DUS2: variants seen among roughly 807,000 people sequenced by gnomAD.
DUS2 encodes tRNA-dihydrouridine(20) synthase [NAD(P)+]-like.
In DUS2, 52 loss-of-function variants were observed where a neutral mutation model predicts 71.3. The ratio of observed to expected loss-of-function variants is 0.73; its 90% CI spans 0.58 to 0.92. The LOEUF is 0.92. DUS2 is among the 40% of genes least tolerant of loss of function. The probability of loss-of-function intolerance (pLI) is 0.00; values close to 1 mark genes in which losing one functional copy is unlikely to be tolerated. For missense variants in DUS2, 558 were observed against 622.6 expected (o/e 0.90, Z 1.10); for synonymous variants, 204 against 227.8 (o/e 0.90, Z 0.94).
chr16:68,035,935 CAT>C (rs1316083528), intron 2 of DUS2, among the ~76,000 whole-genome samples: 7 of 132,764 alleles, frequency 5.3e-5, no homozygotes, highest in Admixed American at 2.3e-4. Context: ...TATATACACA[CAT>C]ACATACACAT....
At chr16:68,053,255 C>T (rs1244015718) in intron 4 of DUS2, among the ~76,000 whole-genome samples, 1 of 152,214 alleles carries the variant, frequency 6.6e-6, no homozygotes, top group Non-Finnish European at 1.5e-5. Context: ...GCCACCATAC[C>T]CGGCCCGGTT....
At chr16:68,056,721 A>C (rs1404479704) in intron 7 of DUS2, among the ~76,000 whole-genome samples, 2 of 151,186 alleles carry the variant, frequency 1.3e-5, no homozygotes, top group Non-Finnish European at 2.9e-5. Flanking sequence ...TGATATATGT[A>C]ATTTACCCTC....
chr16:68,071,638 C>CT (rs377115620), intron 12 of DUS2, among the ~76,000 whole-genome samples: 25,737 of 135,390 alleles, frequency 0.19, 2,521 homozygotes, highest in Middle Eastern at 0.26. Flanking sequence ...TAGGGAATAG[C>CT]TTTTTTTTTT....
intron 5 of DUS2, 79 bp from the exon 6 acceptor site, chr16:68,054,495 G>T (rs1401233019): frequency 2.0e-6 from 3 of 1,483,552 alleles, no homozygotes; most frequent in Non-Finnish European, 2.8e-6. Flanking sequence ...GTGTGTATGT[G>T]TGTGCTGCAT....
chr16:68,057,235 C>CAT lies in DUS2; in HGVS notation c.369+823_369+824dup, dbSNP rs66818755. Among the ~76,000 whole-genome samples the CAT allele has an allele frequency of 1.6e-3, 225 of 142,208 alleles. 2 individuals carry two copies. Among genetic ancestry groups the CAT allele is most frequent in the Non-Finnish European group, 2.5e-3 (167 of 65,910 alleles). The allele number at this position is 142,208 out of a possible 152,430, so 93.3% of individuals were successfully genotyped here. A position where few individuals can be genotyped will look rare whatever the true frequency, so the allele number is the denominator to read the frequency against. Reference sequence around the variant, plus strand: ...ATATAATTGTGTATGTGTATAGATACATATATATATATAGAGAGAGAGAGA... The same window carrying CAT: ...ATATAATTGTGTATGTGTATAGATACATATATATATATATAGAGAGAGAGAGA... On this transcript the variant is annotated intron_variant, in intron 7 of 16. Transcript: ENST00000565263.
chr16:68,074,260 A>G (rs2034127985), intron 13 of DUS2, 105 bp downstream of exon 13: 4 of 1,417,892 alleles, frequency 2.8e-6, no homozygotes, highest in Non-Finnish European at 3.9e-6. Context: ...CAGCTTCTGG[A>G]TGTAGATGTA....
chr16:68,071,270 G>A (rs994374885), intron 12 of DUS2, among the ~76,000 whole-genome samples, 162 bp downstream of exon 12: 4 of 152,136 alleles, frequency 2.6e-5, no homozygotes, highest in Non-Finnish European at 5.9e-5. Flanking sequence ...GCTTTATTCG[G>A]TCTCCCCAGC....
Position 68,079,004 on chromosome 16 carries a change from G to GT in DUS2, c.*19dup. ...GCTGGTGACTACTCTTCCTGCCTTA[G>GT]TCACCCCTCCATGGGCCTGGTGCTA... is the stretch of plus-strand genomic sequence containing the variant. On this transcript the variant is annotated 3_prime_UTR_variant, in exon 17 of 17. Coordinates refer to ENST00000565263, the MANE Select transcript of DUS2 (RefSeq NM_017803.5). 6.5e-7 allele frequency: 1 copy of GT among 1,534,290 alleles called. No homozygotes were observed. The highest frequency in any genetic ancestry group is 8.8e-7 in the Non-Finnish European group (1 of 1,137,356).
At chr16:68,027,086 A>G (rs950449457) in intron 2 of DUS2, 6 of 152,200 alleles carry the variant, frequency 3.9e-5, no homozygotes, top group African/African-American at 1.2e-4. Flanking sequence ...TTACTGGGTA[A>G]GCCAGAGATT....
chr16:68,034,381 T>C (rs1241952130), intron 2 of DUS2, among the ~76,000 whole-genome samples: 2 of 152,098 alleles, frequency 1.3e-5, no homozygotes, highest in East Asian at 3.9e-4. Context: ...GCCTGTCTTT[T>C]TATTATTTTT....
At position 68,046,922 on chromosome 16, in the gene DUS2, T is replaced by C. The variant is rs921313002; in HGVS notation, c.127-2583T>C. On this transcript the variant is annotated intron_variant, in intron 3 of 16. Transcript: ENST00000565263. The stretch of plus-strand genomic sequence containing the variant: ...CCACCACACCCGGCTAATTTTGTTT[T>C]TGTATTTTTAGTAGAGACGGGGTTT... 5.3e-5 allele frequency among the ~76,000 whole-genome samples: 8 copies of C among 152,028 alleles called. 1 individual carries two copies. The highest frequency in any genetic ancestry group is 1.9e-4 in the African/African-American group (8 of 41,394).
chr16:68,060,872 AC>A (rs1176300583), intron 7 of DUS2, among the ~76,000 whole-genome samples, 193 bp from the exon 8 acceptor site: 1 of 151,946 alleles, frequency 6.6e-6, no homozygotes, highest in Non-Finnish European at 1.5e-5. Context: ...AAAAATTATC[AC>A]ACTTCAGTCC....
At chr16:68,069,502 C>A (rs1044104388) in intron 10 of DUS2, among the ~76,000 whole-genome samples, 2 of 152,180 alleles carry the variant, frequency 1.3e-5, no homozygotes, top group African/African-American at 2.4e-5. Context: ...TCAGGTCAGG[C>A]CTCACGTCAG....
At chr16:68,056,854 T>A (rs1463917561) in intron 7 of DUS2, among the ~76,000 whole-genome samples, 1 of 143,960 alleles carries the variant, frequency 6.9e-6, no homozygotes, top group African/African-American at 2.6e-5. Flanking sequence ...TATAATGTTA[T>A]ATATTATTTA....
chr16:68,071,268 C>T (rs2301814), intron 12 of DUS2, among the ~76,000 whole-genome samples, 160 bp downstream of exon 12: 3 of 152,182 alleles, frequency 2.0e-5, no homozygotes, highest in South Asian at 2.1e-4. Flanking sequence ...CTGCTTTATT[C>T]GGTCTCCCCA....
chr16:68,026,203 C>G (rs548940582), intron 2 of DUS2, among the ~76,000 whole-genome samples: 1 of 152,234 alleles, frequency 6.6e-6, no homozygotes, highest in Admixed American at 6.5e-5. Context: ...TTTGACCAGG[C>G]TGATCTCGAA....
At chr16:68,044,690 G>A (rs2033676579) in intron 3 of DUS2, among the ~76,000 whole-genome samples, 1 of 152,056 alleles carries the variant, frequency 6.6e-6, no homozygotes. Flanking sequence ...GAGCCATTGG[G>A]CCGGGTCAGG....
At chr16:68,038,274 G>T in intron 3 of DUS2, 125 bp downstream of exon 3, 1 of 1,336,686 alleles carries the variant, frequency 7.5e-7, no homozygotes, top group Non-Finnish European at 1.0e-6. Context: ...GTTCACCAAA[G>T]GCTGGAGGAG....
In DUS2 at chr16:68,070,234, C is replaced by T. The variant is rs777192446; in HGVS notation, c.641+14C>T. 6.2e-7 allele frequency: 1 copy of T among 1,611,374 alleles called. No homozygotes were observed. Among genetic ancestry groups the T allele is most frequent in the South Asian group, 1.1e-5 (1 of 91,026 alleles). On this transcript the variant is annotated intron_variant, in intron 11 of 16. Coordinates refer to ENST00000565263, the MANE Select transcript of DUS2 (RefSeq NM_017803.5). ...TGTCATAGCCAAGTAAGCCTCCTGT[C>T]TTCATCATGTACTCTGTGTCCCACA...
Sources: allele counts gnomAD v4.1 joint callset (sites outside exome capture counted in the v4.1 genomes callset), GRCh38; gene constraint gnomAD v4.1.1; transcripts MANE v1.5; gene names NCBI Gene and HGNC (gene_info 2026-07-23, HGNC 2026-07-21).